The following FOXK1 variants were observed in gnomAD, a reference collection of about 807,000 sequenced individuals.
The protein encoded by FOXK1 is forkhead box K1, also known as forkhead box protein K1.
Under a neutral mutation model 51.9 loss-of-function variants are expected in FOXK1, and 19 were observed. The ratio of observed to expected loss-of-function variants is 0.37; its 90% confidence interval spans 0.26 to 0.54. The LOEUF (loss-of-function observed/expected upper bound fraction) is 0.54, where lower values mean the gene tolerates loss of function less well. Ranked by LOEUF, FOXK1 falls within the 20% of genes least tolerant of loss-of-function variation. The pLI is 0.87. For missense variants in FOXK1, 870 were observed against 1,032.7 expected, an observed-to-expected ratio of 0.84 and a Z score of 2.16; for synonymous variants, 537 against 482.6, an observed-to-expected ratio of 1.11 and a Z score of -1.48.
rs924178740 is a variant in FOXK1 at position 4,735,935 on chromosome 7, C to T, written c.561-4903C>T. On this transcript the variant is annotated intron_variant, in intron 1 of 8. Transcript: ENST00000328914. The surrounding 1 kb of genome is among the most constrained non-coding windows in gnomAD (Gnocchi z 4.7). Reference sequence around the variant, plus strand: ...TTGAGAGGCTGATGCGGGTGGATCACTTGAGGTCAGGAGTTCAAGACCAGC... The same window carrying T: ...TTGAGAGGCTGATGCGGGTGGATCATTTGAGGTCAGGAGTTCAAGACCAGC... Among the ~76,000 whole-genome samples, 2 of 152,178 alleles carry T rather than the reference C, an allele frequency of 1.3e-5. No individual in the cohort carries two copies. The highest frequency in any genetic ancestry group is 2.9e-5 in the Non-Finnish European group (2 of 68,050).
At chr7:4,713,338 C>G (rs1222878610) in intron 1 of FOXK1, among the ~76,000 whole-genome samples, 1 of 152,116 alleles carries the variant, frequency 6.6e-6, no homozygotes, top group African/African-American at 2.4e-5. Context: ...GAGATTCCCG[C>G]TCACTGGGAT....
chr7:4,704,042 G>A (rs1022396360), intron 1 of FOXK1, among the ~76,000 whole-genome samples: 17 of 152,180 alleles, frequency 1.1e-4, no homozygotes, highest in African/African-American at 2.9e-4. Flanking sequence ...TGAGGCTTCC[G>A]ATCAGTGTCT....
At chr7:4,728,708 T>C (rs927662611) in intron 1 of FOXK1, among the ~76,000 whole-genome samples, 2 of 113,614 alleles carry the variant, frequency 1.8e-5, no homozygotes, top group Non-Finnish European at 3.3e-5. Flanking sequence ...CTGGGCAACA[T>C]AGTGAGACCA....
rs1211375017 is a variant in FOXK1, at chr7:4,747,684, C to T, written c.746+6661C>T. 4.0e-5 allele frequency among the ~76,000 whole-genome samples: 6 copies of T among 151,108 alleles called. No homozygotes were observed. The highest frequency in any genetic ancestry group is 3.3e-4 in the Admixed American group (5 of 15,152). On this transcript the variant is annotated intron_variant, in intron 2 of 8. Coordinates refer to ENST00000328914, the MANE Select transcript of FOXK1 (RefSeq NM_001037165.2). This position sits in a 1 kb window ranked among gnomAD's most constrained non-coding sequence, Gnocchi z 9.2. Reference sequence around the variant, plus strand: ...CTGAGTAGCTAGGACTACAGGCACCCACCACCACACACACCCAGCTCATTT... The same window carrying T: ...CTGAGTAGCTAGGACTACAGGCACCTACCACCACACACACCCAGCTCATTT...
intron 1 of FOXK1, among the ~76,000 whole-genome samples, chr7:4,706,003 C>CATATATAT (rs1562373110): frequency 6.6e-5 from 6 of 90,510 alleles, no homozygotes; most frequent in African/African-American, 5.6e-4. Flanking sequence ...CGTATATATA[C>CATATATAT]GTATATATAC....
Position 4,748,782 on chromosome 7 carries a change from G to T in FOXK1, c.747-5677G>T, listed in dbSNP as rs1309121215. Among the ~76,000 whole-genome samples the T allele has an allele frequency of 6.6e-6, 1 of 152,136 alleles. No individual in the cohort carries two copies. On this transcript the variant is annotated intron_variant, in intron 2 of 8. Coordinates refer to ENST00000328914, the MANE Select transcript of FOXK1 (RefSeq NM_001037165.2). The surrounding 1 kb of genome is among the most constrained non-coding windows in gnomAD (Gnocchi z 4.9). ...CAGGCTGGTACTTCTGGGCTCAAGC[G>T]AGCCTCCTGCCTCAGCCTCCCGAGT...
intron 1 of FOXK1, among the ~76,000 whole-genome samples, chr7:4,687,992 A>G (rs536796762): frequency 2.5e-4 from 38 of 152,224 alleles, no homozygotes; most frequent in African/African-American, 8.9e-4. Flanking sequence ...TTGGCCTCCT[A>G]AAGTGTTGGG....
chr7:4,705,203 A>G (rs987909338), intron 1 of FOXK1, among the ~76,000 whole-genome samples: 1 of 150,944 alleles, frequency 6.6e-6, no homozygotes, highest in Non-Finnish European at 1.5e-5. Context: ...TGTTGCTGTT[A>G]TTAGAGACAA....
At chr7:4,689,149 T>C (rs914090568) in intron 1 of FOXK1, among the ~76,000 whole-genome samples, 1 of 152,080 alleles carries the variant, frequency 6.6e-6, no homozygotes, top group African/African-American at 2.4e-5. Context: ...GGCTAATTTT[T>C]GTATTTTTAG....
chr7:4,754,349 G>C, intron 2 of FOXK1, 110 bp from the exon 3 acceptor site: 1 of 1,281,796 alleles, frequency 7.8e-7, no homozygotes, highest in Non-Finnish European at 1.1e-6. Flanking sequence ...ATTGGAAAGT[G>C]TGAGCTTCTT....
rs1359282195 is a variant in FOXK1, at chr7:4,722,610, G to C, written c.561-18228G>C. ...ATACAACGGGCACACATGCACGTCA[G>C]CCGCACACTCATGCACGTTCATGTG... On this transcript the variant is annotated intron_variant, in intron 1 of 8. Transcript: ENST00000328914. This position sits in a 1 kb window ranked among gnomAD's most constrained non-coding sequence, Gnocchi z 5.1. 6.6e-6 allele frequency among the ~76,000 whole-genome samples: 1 copy of C among 152,250 alleles called. No homozygotes were observed. The highest frequency in any genetic ancestry group is 1.5e-5 in the Non-Finnish European group (1 of 68,046).
chr7:4,692,246 G>A (rs1005568403), intron 1 of FOXK1, among the ~76,000 whole-genome samples: 17 of 152,224 alleles, frequency 1.1e-4, no homozygotes, highest in East Asian at 9.6e-4. Flanking sequence ...GCTTTTAGTC[G>A]GCTGTGATGC....
chr7:4,760,160 T>C (rs1474138262), intron 7 of FOXK1: 1 of 152,874 alleles, frequency 6.5e-6, no homozygotes, highest in African/African-American at 2.4e-5. Context: ...TGCATGCATT[T>C]GGAATTTAGT....
intron 7 of FOXK1, 148 bp downstream of exon 7, chr7:4,759,743 C>G: frequency 1.0e-6 from 1 of 1,001,806 alleles, no homozygotes; most frequent in Non-Finnish European, 1.4e-6. Context: ...CCCTTTAAAT[C>G]AGCATGAGCT....
At chr7:4,718,595 C>G (rs1251387383) in intron 1 of FOXK1, among the ~76,000 whole-genome samples, 1 of 152,174 alleles carries the variant, frequency 6.6e-6, no homozygotes, top group African/African-American at 2.4e-5. Flanking sequence ...CTAGGTTTCC[C>G]TCGTCAGGGT....
rs533913953 is a variant in FOXK1 at position 4,703,761 on chromosome 7, A to G, written c.560+20893A>G. Among the ~76,000 whole-genome samples, 114 of 152,320 alleles carry G rather than the reference A, an allele frequency of 7.5e-4. 2 individuals carry two copies. The highest frequency in any genetic ancestry group is 5.2e-4 in the Admixed American group (8 of 15,292). ...AGTGCTCCGGAGGCACTTTCAGAGC[A>G]TCGTGACTAGATAAAAGTAGGTGAA... is the stretch of plus-strand genomic sequence containing the variant. On this transcript the variant is annotated intron_variant, in intron 1 of 8. Transcript: ENST00000328914. This position sits in a 1 kb window ranked among gnomAD's most constrained non-coding sequence, Gnocchi z 5.6.
intron 2 of FOXK1, among the ~76,000 whole-genome samples, chr7:4,742,247 C>T (rs138957239): frequency 2.4e-3 from 371 of 152,316 alleles, no homozygotes; most frequent in Middle Eastern, 6.8e-3. Flanking sequence ...CCCTCGGGGA[C>T]ATCTGTGAAG....
Position 4,762,068 on chromosome 7 carries a change from G to T in FOXK1, c.1922-116G>T. 8.1e-7 allele frequency: 1 copy of T among 1,239,414 alleles called. No homozygotes were observed. 76.8% of individuals were successfully genotyped at this position (1,239,414 alleles called of 1,614,324 possible). A position where few individuals can be genotyped will look rare whatever the true frequency, so the allele number is the denominator to read the frequency against. ...GCAAGGGTAGCCGTCCTGCCTGGCAGGGGTGCACTGACCTCCGGTTCCGGC... is the reference window on the plus strand; with the variant it reads ...GCAAGGGTAGCCGTCCTGCCTGGCATGGGTGCACTGACCTCCGGTTCCGGC... On this transcript the variant is annotated intron_variant, in intron 8 of 8. Transcript: ENST00000328914. The surrounding 1 kb of genome is among the most constrained non-coding windows in gnomAD (Gnocchi z 5.7).
rs561937459 is a variant in FOXK1 at position 4,716,508 on chromosome 7, A to C, written c.561-24330A>C. Among the ~76,000 whole-genome samples the C allele has an allele frequency of 6.9e-3, 1,051 of 151,460 alleles. 11 individuals carry two copies. Among genetic ancestry groups the C allele is most frequent in the African/African-American group, 0.025 (1,016 of 41,324 alleles). ...GTGACACAGCAAGGCCCTGTGTCCC[A>C]AAAAAAAAGAGAAAAGAAATACAAA... On this transcript the variant is annotated intron_variant, in intron 1 of 8. Transcript: ENST00000328914.
Sources: allele counts gnomAD v4.1 joint callset (sites outside exome capture counted in the v4.1 genomes callset), GRCh38; gene constraint gnomAD v4.1.1; non-coding constraint Gnocchi (gnomAD v3.1); transcripts MANE v1.5; gene names NCBI Gene and HGNC (gene_info 2026-07-23, HGNC 2026-07-21).